PCDHGA3: variants seen among roughly 807,000 people sequenced by gnomAD.
PCDHGA3 encodes the protein protocadherin gamma subfamily A, 3.
Under a neutral mutation model 58.5 loss-of-function variants are expected in PCDHGA3, and 40 were observed. The observed-to-expected ratio is 0.68, with a 90% confidence interval of 0.53 to 0.89. The LOEUF (loss-of-function observed/expected upper bound fraction) is 0.89. PCDHGA3 is among the 40% of genes least tolerant of loss of function. The probability of loss-of-function intolerance (pLI) is 0.00; values close to 1 mark genes in which losing one functional copy is unlikely to be tolerated. For synonymous variants in PCDHGA3, 530 were observed against 525.7 expected (o/e 1.01, Z -0.11); for missense variants, 1,223 against 1,195.9 (o/e 1.02, Z -0.33).
chr5:141,376,590 G>T, intron 1 of PCDHGA3: 3 of 1,570,160 alleles, frequency 1.9e-6, no homozygotes, highest in Non-Finnish European at 1.7e-6. Flanking sequence ...CAGCTAGATC[G>T]GCTGTTATAG....
intron 1 of PCDHGA3, chr5:141,441,674 CT>C: frequency 3.4e-6 from 1 of 293,692 alleles, no homozygotes; most frequent in Non-Finnish European, 6.7e-6. Flanking sequence ...CACAGTGCGC[CT>C]TCGACCAAGA....
At chr5:141,363,465 C>T (rs1176309581) in intron 1 of PCDHGA3, among the ~76,000 whole-genome samples, 1 of 152,220 alleles carries the variant, frequency 6.6e-6, no homozygotes, top group Non-Finnish European at 1.5e-5. Flanking sequence ...CAAGTATCTG[C>T]TCATGCTTTC....
intron 1 of PCDHGA3, among the ~76,000 whole-genome samples, chr5:141,353,204 C>A (rs780316002): frequency 5.9e-5 from 9 of 152,106 alleles, no homozygotes; most frequent in Non-Finnish European, 8.8e-5. Flanking sequence ...GCTAAAGAGA[C>A]CTGTTTCCTA....
In PCDHGA3 at chr5:141,345,141, G is replaced by C. The variant is rs1327084962; in HGVS notation, c.1108G>C (p.Asp370His). Reference sequence around the variant, plus strand: ...CGTTGGAAGAGAAATTGCTCTTATCGACGTGCATGACCGAGATTCTGGGCA... The same window carrying C: ...CGTTGGAAGAGAAATTGCTCTTATCCACGTGCATGACCGAGATTCTGGGCA... ...GTVGREIALI[D>H]VHDRDSGQNG... The change falls in exon 1 of 4, where the codon GAC becomes CAC. Residue 370 changes from aspartate to histidine, a missense_variant. Physicochemically the swap from Asp to His is moderately conservative, Grantham distance 81. Around this residue, in one of 3 missense-constraint regions of PCDHGA3, gnomAD observed 791 missense variants for 708.5 expected, o/e 1.12. Coordinates refer to ENST00000253812, the MANE Select transcript of PCDHGA3 (RefSeq NM_018916.4). The C allele has an allele frequency of 1.2e-6, 2 of 1,613,838 alleles. No homozygotes were observed. The highest frequency in any genetic ancestry group is 1.3e-5 in the African/African-American group (1 of 74,898).
At chr5:141,371,709 A>G in intron 1 of PCDHGA3, 1 of 1,613,916 alleles carries the variant, frequency 6.2e-7, no homozygotes, top group East Asian at 2.2e-5. Context: ...CAAGACCATC[A>G]CTCTGCACAT....
intron 1 of PCDHGA3, chr5:141,376,220 G>A: frequency 6.2e-7 from 1 of 1,614,202 alleles, no homozygotes; most frequent in Non-Finnish European, 8.5e-7. Context: ...CGTGCTGCTG[G>A]CGCTCAGACT....
At chr5:141,398,036 A>C (rs151208588) in intron 1 of PCDHGA3, 2 of 1,478,020 alleles carry the variant, frequency 1.4e-6, no homozygotes, top group African/African-American at 2.8e-5. Context: ...CTGGAACTAA[A>C]GCCCGTTCGG....
At chr5:141,438,834 T>A (rs915381229) in intron 1 of PCDHGA3, among the ~76,000 whole-genome samples, 5 of 150,606 alleles carry the variant, frequency 3.3e-5, no homozygotes, top group South Asian at 2.1e-4. Context: ...GCTAATTTTT[T>A]AAAATATTTT....
intron 1 of PCDHGA3, chr5:141,360,369 C>A (rs371508602): frequency 1.9e-6 from 3 of 1,613,726 alleles, no homozygotes; most frequent in Non-Finnish European, 2.5e-6. Context: ...TCACAGTAAA[C>A]CCAGAAAGCG....
chr5:141,393,249 G>C, intron 1 of PCDHGA3: 7 of 1,613,786 alleles, frequency 4.3e-6, no homozygotes, highest in Non-Finnish European at 5.9e-6. Context: ...TAACGAAATC[G>C]CGGTTCCTGG....
intron 1 of PCDHGA3, chr5:141,404,265 T>A: frequency 6.2e-7 from 1 of 1,613,998 alleles, no homozygotes; most frequent in Non-Finnish European, 8.5e-7. Context: ...GAAATTCACA[T>A]CACCCTGCAA....
Position 141,398,804 on chromosome 5 carries a change from C to G in PCDHGA3, c.2424+52347C>G, listed in dbSNP as rs1283760076. 9 of 1,613,894 alleles carry G rather than the reference C, an allele frequency of 5.6e-6. No homozygotes were observed. In the South Asian group the frequency reaches 8.8e-5, roughly 16 times the overall value. On this transcript the variant is annotated intron_variant, in intron 1 of 3. Coordinates refer to ENST00000253812, the MANE Select transcript of PCDHGA3 (RefSeq NM_018916.4). ...GGACATCCACCCCTAAGCGGCACCA[C>G]TGAGCTCCGGATCCAGGTAACCGAC... is the stretch of plus-strand genomic sequence containing the variant.
At chr5:141,379,257 AG>A (rs1177830899) in intron 1 of PCDHGA3, 8 of 152,234 alleles carry the variant, frequency 5.3e-5, no homozygotes, top group Non-Finnish European at 1.2e-4. Flanking sequence ...TTTACATTTA[AG>A]GAATTGTTAT....
chr5:141,436,856 G>A (rs942357563), intron 1 of PCDHGA3, among the ~76,000 whole-genome samples: 2 of 152,246 alleles, frequency 1.3e-5, no homozygotes, highest in Admixed American at 1.3e-4. Context: ...TGATTGAGAA[G>A]CCACAGTTTT....
Position 141,346,435 on chromosome 5 carries a change from A to G in PCDHGA3, c.2402A>G (p.Lys801Arg). The change falls in exon 1 of 4, where the codon AAA (lysine) becomes AGA (arginine). Residue 801 changes from lysine (K) to arginine (R), a missense_variant. Around this residue, in one of 3 missense-constraint regions of PCDHGA3, gnomAD observed 325 missense variants for 327.5 expected, o/e 0.99. Transcript: ENST00000253812. ...ATAACTCAGGATTTACTTGAAATGAAAGGAGATTCCAACCTACTTCAGGTG... is the reference window on the plus strand; with the variant it reads ...ATAACTCAGGATTTACTTGAAATGAGAGGAGATTCCAACCTACTTCAGGTG... ...LLITQDLLEM[K>R]GDSNLLQQAP... 1 of 1,614,272 alleles carries G rather than the reference A, an allele frequency of 6.2e-7. No homozygotes were observed. The highest frequency in any genetic ancestry group is 8.5e-7 in the Non-Finnish European group (1 of 1,180,056).
chr5:141,398,964 T>C lies in PCDHGA3; in HGVS notation c.2424+52507T>C, dbSNP rs768223911. 1.5e-5 allele frequency: 25 copies of C among 1,613,826 alleles called. No homozygotes were observed. In the South Asian group the frequency reaches 2.4e-4, roughly 16 times the overall value. On this transcript the variant is annotated intron_variant, in intron 1 of 3. Coordinates refer to ENST00000253812, the MANE Select transcript of PCDHGA3 (RefSeq NM_018916.4). ...AGGGCATCAACTCAGAAATTACTTA[T>C]TCCTTCTACAGAACCGGGCAAATCT...
rs371964437 is a variant in PCDHGA3, at chr5:141,511,404, C to T, written c.*231C>T. On this transcript the variant is annotated 3_prime_UTR_variant, in exon 4 of 4. Coordinates refer to ENST00000253812, the MANE Select transcript of PCDHGA3 (RefSeq NM_018916.4). ...CCGCTGGGAACCCCCATCCAATCAA[C>T]TGCTGTACCCATGGGGGTAGTGGGG... The T allele has an allele frequency of 7.7e-5, 73 of 947,014 alleles. No individual in the cohort carries two copies. In the East Asian group the frequency reaches 1.8e-3, roughly 23 times the overall value. The allele number at this position is 947,014 out of a possible 1,614,324, so 58.7% of individuals were successfully genotyped here.
At chr5:141,478,127 C>A (rs1323163663) in intron 1 of PCDHGA3, 1 of 1,614,106 alleles carries the variant, frequency 6.2e-7, no homozygotes, top group South Asian at 1.1e-5. Flanking sequence ...CGAGGACTCT[C>A]CTGAAGCCCG....
intron 1 of PCDHGA3, chr5:141,392,814 A>G: frequency 2.5e-6 from 4 of 1,585,078 alleles, no homozygotes; most frequent in South Asian, 2.3e-5. Flanking sequence ...CAAAACAACA[A>G]TGGCCGCTCC....
Sources: gnomAD v4.1 joint callset for allele counts (sites outside exome capture counted in the v4.1 genomes callset) on GRCh38, gnomAD v4.1.1 for gene constraint, gnomAD v4.1.1 regional missense constraint, MANE v1.5 for transcripts, NCBI Gene and HGNC (gene_info 2026-07-23, HGNC 2026-07-21) for gene names.